The following CCL26 variants were observed in gnomAD, a reference collection of about 807,000 sequenced individuals.
CCL26 encodes the protein C-C motif chemokine 26.
In CCL26, 10 loss-of-function variants were observed where a neutral mutation model predicts 10.7. That is an observed-to-expected ratio of 0.93 (90% CI 0.57 to 1.58). The LOEUF is 1.58. Ranked by LOEUF, CCL26 falls within the 40% of genes most tolerant of loss-of-function variation. CCL26 has a pLI of 0.00. For synonymous variants in CCL26, 43 were observed against 41.4 expected (o/e 1.04, Z -0.15); for missense variants, 116 against 111.0 (o/e 1.05, Z -0.20).
chr7:75,789,781 G>C (rs1239290392), exon 1 of CCL26: 2 of 152,082 alleles, frequency 1.3e-5, no homozygotes, highest in Admixed American at 6.6e-5. Context: ...TGCTAGTGCT[G>C]CTCCAGTCCC....
chr7:75,790,419 T>TAA (rs60349195), upstream of CCL26, among the ~76,000 whole-genome samples: 46 of 148,352 alleles, frequency 3.1e-4, no homozygotes, highest in Middle Eastern at 3.4e-3. Flanking sequence ...TCTGCTAACT[T>TAA]AAAAAAAAAA....
rs550717513 is a variant in CCL26 at position 75,769,759 on chromosome 7, A to G, written c.219T>C (p.Cys73=). 8 of 1,611,650 alleles carry G rather than the reference A, an allele frequency of 5.0e-6. No homozygotes were observed. The highest frequency in any genetic ancestry group is 1.3e-5 in the African/African-American group (1 of 75,012). ...GCACCCATTTTTTCCTTGGATGGGT[A>G]CAGACTTTCTTGCCTCTTTTGGTAG... ...IFTTKRGKKV[C]THPRKKWVQK... is the part of the protein sequence containing the mutation. Residue 73 remains cysteine (C), a synonymous_variant, in exon 3 of 3, where the codon TGT becomes TGC. Coordinates refer to ENST00000005180, the MANE Select transcript of CCL26 (RefSeq NM_001371938.1).
In CCL26 at chr7:75,769,613, G is replaced by A. The variant is rs1055426; in HGVS notation, c.*80C>T. On this transcript the variant is annotated 3_prime_UTR_variant, in exon 3 of 3. Transcript: ENST00000005180. Reference sequence around the variant, plus strand: ...CCCCAGCGGGTCCATGTAGCCTTCAGAAAAGATTCCGCAGGCTCCCCAGAG... The same window carrying A: ...CCCCAGCGGGTCCATGTAGCCTTCAAAAAAGATTCCGCAGGCTCCCCAGAG... 2.5e-5 allele frequency: 23 copies of A among 913,022 alleles called. No individual in the cohort carries two copies. Among genetic ancestry groups the A allele is most frequent in the Non-Finnish European group, 4.1e-5 (23 of 558,316 alleles). The allele number at this position is 913,022 out of a possible 1,614,324, so 56.6% of individuals were successfully genotyped here.
At chr7:75,790,190 T>C (rs144837634), upstream of CCL26, among the ~76,000 whole-genome samples, 8,243 of 76,492 alleles carry the variant, frequency 0.11, 528 homozygotes, top group East Asian at 0.22. Flanking sequence ...TTTCTTTCTT[T>C]CTTTCTTTCT....
At chr7:75,779,275 T>C (rs1221776049) in intron 1 of CCL26, among the ~76,000 whole-genome samples, 2 of 152,198 alleles carry the variant, frequency 1.3e-5, no homozygotes, top group Non-Finnish European at 1.5e-5. Flanking sequence ...ACACAAATCC[T>C]GTTTGGTGGT....
chr7:75,784,812 A>T (rs111919198), intron 1 of CCL26, among the ~76,000 whole-genome samples: 7,247 of 151,498 alleles, frequency 0.048, 255 homozygotes, highest in South Asian at 0.13. Context: ...CCCACCTTAA[A>T]CCACAAGTAT....
intron 1 of CCL26, among the ~76,000 whole-genome samples, chr7:75,780,181 C>T (rs1803031659): frequency 6.6e-6 from 1 of 151,650 alleles, no homozygotes. Context: ...CCCCTTTTTC[C>T]ACTTTCCTGG....
In CCL26 at chr7:75,789,096, A is replaced by ATTTTTT. The variant is rs527793902; in HGVS notation, c.-79+615_-79+620dup. ...ACCACCGTGCCCAGTTCATTTTTTGATTTTTTTTTTTTTTTTTGTAGAGAT... is the reference window on the plus strand; with the variant it reads ...ACCACCGTGCCCAGTTCATTTTTTGATTTTTTTTTTTTTTTTTTTTTTTGTAGAGAT... On this transcript the variant is annotated intron_variant, in intron 1 of 3. Transcript: ENST00000394905. Among the ~76,000 whole-genome samples the ATTTTTT allele has an allele frequency of 1.9e-3, 214 of 110,880 alleles. 4 individuals are homozygous for ATTTTTT. The highest frequency in any genetic ancestry group is 7.0e-3 in the African/African-American group (201 of 28,742). 72.7% of individuals were successfully genotyped at this position (110,880 alleles called of 152,430 possible).
upstream of CCL26, among the ~76,000 whole-genome samples, chr7:75,774,820 C>T (rs570488626): frequency 5.1e-4 from 78 of 151,926 alleles, no homozygotes; most frequent in African/African-American, 1.8e-3. Flanking sequence ...CTCAGGAGGC[C>T]GAGGCAGGAG....
At chr7:75,783,799 AAAAAG>A (rs1175136755) in intron 1 of CCL26, among the ~76,000 whole-genome samples, 1 of 151,792 alleles carries the variant, frequency 6.6e-6, no homozygotes, top group African/African-American at 2.4e-5. Flanking sequence ...AAAAAAAAAA[AAAAAG>A]AAAGAAACTA....
chr7:75,786,675 G>A (rs1292707547), intron 1 of CCL26, among the ~76,000 whole-genome samples: 2 of 152,184 alleles, frequency 1.3e-5, no homozygotes, highest in African/African-American at 2.4e-5. Flanking sequence ...AGCTTTTAAA[G>A]AAGCAGCTAA....
At chr7:75,776,169 T>G (rs2115655776), upstream of CCL26, among the ~76,000 whole-genome samples, 1 of 151,326 alleles carries the variant, frequency 6.6e-6, no homozygotes, top group East Asian at 2.0e-4. Flanking sequence ...CCTCCCAGGT[T>G]CACACGATTC....
At chr7:75,778,068 C>T (rs1319217965) in intron 1 of CCL26, among the ~76,000 whole-genome samples, 1 of 152,172 alleles carries the variant, frequency 6.6e-6, no homozygotes, top group Non-Finnish European at 1.5e-5. Flanking sequence ...AGTGAGGTTG[C>T]TGGGATGTAC....
chr7:75,780,363 C>G (rs1803035945), intron 1 of CCL26, among the ~76,000 whole-genome samples: 1 of 152,122 alleles, frequency 6.6e-6, no homozygotes, highest in African/African-American at 2.4e-5. Context: ...GCCTCCTTCA[C>G]TATGGACAAC....
upstream of CCL26, among the ~76,000 whole-genome samples, chr7:75,790,218 T>TCTTTCTCTCTTCCTTC (rs1554530641): frequency 1.5e-5 from 1 of 66,802 alleles, no homozygotes; most frequent in Non-Finnish European, 3.1e-5. Context: ...TTTCTTTCTT[T>TCTTTCTCTCTTCCTTC]CTTCCTTCCT....
At chr7:75,787,905 C>T (rs368690853) in intron 1 of CCL26, among the ~76,000 whole-genome samples, 32 of 152,020 alleles carry the variant, frequency 2.1e-4, no homozygotes, top group Non-Finnish European at 4.0e-4. Flanking sequence ...TCATACAGAA[C>T]GGCATCCGGG....
upstream of CCL26, among the ~76,000 whole-genome samples, chr7:75,775,257 A>G (rs904196227): frequency 2.6e-5 from 4 of 152,146 alleles, no homozygotes; most frequent in Non-Finnish European, 4.4e-5. Flanking sequence ...ACTGAAATCT[A>G]TATTCCCATT....
intron 1 of CCL26, among the ~76,000 whole-genome samples, chr7:75,787,667 A>AAAAAAAAAAAAAAAAAC (rs1803229021): frequency 7.6e-6 from 1 of 131,528 alleles, no homozygotes; most frequent in Non-Finnish European, 1.6e-5. Context: ...AAAAAAAAAA[A>AAAAAAAAAAAAAAAAAC]AAAAAAAGAC....
chr7:75,785,240 A>G (rs1348822881), intron 1 of CCL26, among the ~76,000 whole-genome samples: 1 of 151,960 alleles, frequency 6.6e-6, no homozygotes, highest in Admixed American at 6.6e-5. Context: ...ACCTGGACTG[A>G]CCCTGACACC....
Sources: gnomAD v4.1 joint callset for allele counts (sites outside exome capture counted in the v4.1 genomes callset) on GRCh38, gnomAD v4.1.1 for gene constraint, MANE v1.5 for transcripts, NCBI Gene and HGNC (gene_info 2026-07-23, HGNC 2026-07-21) for gene names.